The following DNAH9 variants were observed in gnomAD, a reference collection of about 807,000 sequenced individuals.
DNAH9 encodes the protein dynein axonemal heavy chain 9.
Under a neutral mutation model 471.6 loss-of-function variants are expected in DNAH9, and 345 were observed. The ratio of observed to expected loss-of-function variants is 0.73; its 90% CI spans 0.67 to 0.80. The LOEUF (loss-of-function observed/expected upper bound fraction) is 0.80. DNAH9 is among the 30% of genes least tolerant of loss of function. The pLI is 0.00. For synonymous variants in DNAH9, 2,093 were observed against 2,123.6 expected (o/e 0.99, Z 0.40); for missense variants, 5,407 against 5,609.2 (o/e 0.96, Z 1.15).
chr17:11,900,606 C>T lies in DNAH9; in HGVS notation c.11407-2113C>T, dbSNP rs62061964. Among the ~76,000 whole-genome samples, 879 of 151,908 alleles carry T rather than the reference C, an allele frequency of 5.8e-3. 5 individuals are homozygous for T. Among genetic ancestry groups the T allele is most frequent in the Non-Finnish European group, 9.8e-3 (664 of 67,990 alleles). On this transcript the variant is annotated intron_variant, in intron 59 of 68. Coordinates refer to ENST00000262442, the MANE Select transcript of DNAH9 (RefSeq NM_001372.4). ...CTCCCTCATCTTCTTTTTCCCTAAG[C>T]TAGGACTGCAGGCTCCTGAAAGGCT...
Position 11,690,203 on chromosome 17 carries a change from C to G in DNAH9, c.4381C>G (p.Leu1461Val), listed in dbSNP as rs767326820. The G allele has an allele frequency of 1.2e-6, 2 of 1,614,086 alleles. No individual in the cohort carries two copies. The highest frequency in any genetic ancestry group is 1.7e-6 in the Non-Finnish European group (2 of 1,180,036). ...YEPHPRTNVP[L>V]LCSDEDLIEV... ...GCCCCACCCACGGACCAATGTCCCC[C>G]TCCTGTGCTCTGATGAGGACCTCAT... The change falls in exon 20 of 69, where the codon CTC (leucine) becomes GTC (valine). Residue 1461 changes from leucine (L) to valine (V), a missense_variant. Leu to Val is a conservative substitution (Grantham distance 32). Coordinates refer to ENST00000262442, the MANE Select transcript of DNAH9 (RefSeq NM_001372.4).
At chr17:11,796,937 G>A (rs1278784172) in intron 42 of DNAH9, among the ~76,000 whole-genome samples, 1 of 152,158 alleles carries the variant, frequency 6.6e-6, no homozygotes, top group Non-Finnish European at 1.5e-5. Flanking sequence ...ACTATAACCA[G>A]CCCGTATTTA....
chr17:11,779,732 A>C (rs1476113075), intron 38 of DNAH9, among the ~76,000 whole-genome samples: 1 of 152,208 alleles, frequency 6.6e-6, no homozygotes, highest in Non-Finnish European at 1.5e-5. Context: ...ATTATATTTC[A>C]TTTTGACAGA....
At chr17:11,952,422 G>C (rs1975416894) in intron 67 of DNAH9, among the ~76,000 whole-genome samples, 1 of 141,922 alleles carries the variant, frequency 7.0e-6, no homozygotes, top group Admixed American at 7.6e-5. Context: ...GCTTCCCAAA[G>C]TGCTGAGATA....
chr17:11,598,756 G>A lies in DNAH9; in HGVS notation c.258G>A (p.Gly86=). The stretch of plus-strand genomic sequence containing the variant: ...CCAGGGGCCTGGCAATACGCCCCGG[G>A]CTGGAGGTGGGACCTGAGTCGGGCC... The part of the protein sequence containing the change: ...PGPRGLAIRP[G]LEVGPESGLA... Residue 86 remains glycine, a synonymous_variant, in exon 1 of 69, where the codon GGG becomes GGA. Transcript: ENST00000262442. 1.4e-6 allele frequency: 2 copies of A among 1,436,494 alleles called. No homozygotes were observed. Among genetic ancestry groups the A allele is most frequent in the Non-Finnish European group, 1.8e-6 (2 of 1,100,716 alleles). The allele number at this position is 1,436,494 out of a possible 1,614,324, so 89.0% of individuals were successfully genotyped here.
chr17:11,936,547 G>A (rs969914771), intron 65 of DNAH9, among the ~76,000 whole-genome samples: 5 of 152,144 alleles, frequency 3.3e-5, no homozygotes, highest in Admixed American at 6.5e-5. Context: ...GAGGTGGAAA[G>A]CACTTGAGCC....
At chr17:11,667,783 CAGTCTCAAG>C (rs1156722585) in intron 15 of DNAH9, among the ~76,000 whole-genome samples, 1 of 152,214 alleles carries the variant, frequency 6.6e-6, no homozygotes, top group Non-Finnish European at 1.5e-5. Flanking sequence ...GGATCACCTG[CAGTCTCAAG>C]AGTCCCAGCC....
In DNAH9 at chr17:11,830,919, T is replaced by C. The variant is rs983354360; in HGVS notation, c.9247-3719T>C. On this transcript the variant is annotated intron_variant, in intron 48 of 68. Transcript: ENST00000262442. ...GCTGGAATAAGCCCCACTGAAACTA[T>C]AAGGATTTGGAAGGGAGAGTTCTCC... Among the ~76,000 whole-genome samples the C allele has an allele frequency of 3.3e-5, 5 of 152,166 alleles. No homozygotes were observed. The South Asian group carries it at 1.0e-3, about 32-fold the overall frequency.
At chr17:11,814,105 A>G (rs1431198332) in intron 45 of DNAH9, among the ~76,000 whole-genome samples, 3 of 152,186 alleles carry the variant, frequency 2.0e-5, no homozygotes, top group East Asian at 3.9e-4. Flanking sequence ...TTGACCTGCT[A>G]TAATAATTCC....
At chr17:11,824,928 C>T (rs867447350) in intron 48 of DNAH9, among the ~76,000 whole-genome samples, 1 of 151,978 alleles carries the variant, frequency 6.6e-6, no homozygotes, top group African/African-American at 2.4e-5. Flanking sequence ...TCCTCCCCCT[C>T]CTTCTTCTTT....
chr17:11,738,933 T>G lies in DNAH9; in HGVS notation c.5868T>G (p.Leu1956=), dbSNP rs1271569665. 1 of 1,614,130 alleles carries G rather than the reference T, an allele frequency of 6.2e-7. No homozygotes were observed. Among genetic ancestry groups the G allele is most frequent in the Non-Finnish European group, 8.5e-7 (1 of 1,179,974 alleles). ...ATAAGAAGCAGTGGTTCAGCTTCCT[T>G]GGGGAGGAGATCAGCCTGAATCCTT... ...IRDKKQWFSF[L]GEEISLNPSV... Residue 1956 remains leucine, a synonymous_variant, in exon 29 of 69, where the codon CTT becomes CTG. Transcript: ENST00000262442.
chr17:11,769,126 G>C lies in DNAH9; in HGVS notation c.7349G>C (p.Cys2450Ser), dbSNP rs1292037475. Reference sequence around the variant, plus strand: ...CTTATTGTGCTCCCATTCCAGGCGTGTTTGGTGCACACGAGTGAGACCATC... The same window carrying C: ...CTTATTGTGCTCCCATTCCAGGCGTCTTTGGTGCACACGAGTGAGACCATC... The part of the protein sequence containing the change: ...EFDPEMPLQA[C>S]LVHTSETIRV... Residue 2450 changes from cysteine to serine, a missense_variant, in exon 38 of 69, where the codon TGT becomes TCT. Physicochemically the swap from Cys to Ser is moderately radical, Grantham distance 112. Coordinates refer to ENST00000262442, the MANE Select transcript of DNAH9 (RefSeq NM_001372.4). 62 of 1,614,210 alleles carry C rather than the reference G, an allele frequency of 3.8e-5. No individual in the cohort carries two copies. The highest frequency in any genetic ancestry group is 5.2e-5 in the Non-Finnish European group (61 of 1,180,022).
At chr17:11,607,428 G>T (rs560168047) in intron 1 of DNAH9, among the ~76,000 whole-genome samples, 15 of 152,196 alleles carry the variant, frequency 9.9e-5, no homozygotes, top group Non-Finnish European at 1.9e-4. Context: ...GTATCAAGAA[G>T]GTGTAGTGGT....
intron 49 of DNAH9, among the ~76,000 whole-genome samples, chr17:11,852,851 T>TATATAA (rs1555609638): frequency 5.8e-5 from 8 of 137,798 alleles, no homozygotes; most frequent in Non-Finnish European, 9.3e-5. Flanking sequence ...TATATATATA[T>TATATAA]ATATATATAT....
intron 27 of DNAH9, among the ~76,000 whole-genome samples, chr17:11,725,983 A>G (rs2075145017): frequency 6.6e-6 from 1 of 152,194 alleles, no homozygotes; most frequent in Non-Finnish European, 1.5e-5. Flanking sequence ...CAAACCTCCA[A>G]AGATCCCTCA....
chr17:11,839,965 G>A (rs1016790661), intron 49 of DNAH9, among the ~76,000 whole-genome samples: 1 of 152,184 alleles, frequency 6.6e-6, no homozygotes, highest in African/African-American at 2.4e-5. Flanking sequence ...TGTTGGTGAG[G>A]ATGCAGATTG....
At chr17:11,620,000 C>A in intron 6 of DNAH9, 1 of 543,942 alleles carries the variant, frequency 1.8e-6, no homozygotes, top group Non-Finnish European at 3.3e-6. Context: ...TGCTTGAGCC[C>A]AGGAGTTTAA....
At chr17:11,706,374 C>G (rs1379718872) in intron 26 of DNAH9, among the ~76,000 whole-genome samples, 4 of 152,088 alleles carry the variant, frequency 2.6e-5, no homozygotes, top group African/African-American at 9.7e-5. Context: ...GAACAAGTCA[C>G]TGGGAATACT....
intron 6 of DNAH9, among the ~76,000 whole-genome samples, chr17:11,624,084 A>C (rs529049047): frequency 6.6e-6 from 1 of 152,328 alleles, no homozygotes; most frequent in East Asian, 1.9e-4. Flanking sequence ...CTGCCTTCTT[A>C]TCATAACCAT....
Sources: allele counts gnomAD v4.1 joint callset (sites outside exome capture counted in the v4.1 genomes callset), GRCh38; gene constraint gnomAD v4.1.1; transcripts MANE v1.5; gene names NCBI Gene and HGNC (gene_info 2026-07-23, HGNC 2026-07-21).